The following CNEP1R1 variants were observed in gnomAD, a reference collection of about 807,000 sequenced individuals.
The protein encoded by CNEP1R1 is CTD nuclear envelope phosphatase 1 regulatory subunit 1.
CNEP1R1 carries 10 observed loss-of-function variants against 22.7 expected under a neutral mutation model. That is an observed-to-expected ratio of 0.44 (90% confidence interval 0.27 to 0.75). The LOEUF (loss-of-function observed/expected upper bound fraction) is 0.75, where lower values mean the gene tolerates loss of function less well. CNEP1R1 is among the 30% of genes least tolerant of loss of function. The probability of loss-of-function intolerance (pLI) is 0.17; values close to 1 mark genes in which losing one functional copy is unlikely to be tolerated. For synonymous variants in CNEP1R1, 53 were observed against 50.1 expected (o/e 1.06, Z -0.25); for missense variants, 73 against 151.5 (o/e 0.48, Z 2.72).
At chr16:50,030,366 C>G (rs369547341) in intron 3 of CNEP1R1, among the ~76,000 whole-genome samples, 1 of 152,020 alleles carries the variant, frequency 6.6e-6, no homozygotes, top group Non-Finnish European at 1.5e-5. Flanking sequence ...CTCAGGAGAT[C>G]GAGGCTGCAG....
chr16:50,032,342 A>G (rs2144279728), intron 3 of CNEP1R1, among the ~76,000 whole-genome samples: 1 of 152,190 alleles, frequency 6.6e-6, no homozygotes, highest in African/African-American at 2.4e-5. Flanking sequence ...TTGTCCCTCT[A>G]CATATTCTTA....
At chr16:50,027,208 A>G (rs2036192316) in intron 2 of CNEP1R1, among the ~76,000 whole-genome samples, 1 of 151,952 alleles carries the variant, frequency 6.6e-6, no homozygotes, top group African/African-American at 2.4e-5. Flanking sequence ...GTTTGAGACC[A>G]GCCTGGGTAA....
Position 50,034,101 on chromosome 16 carries a change from G to A in CNEP1R1, c.282-1G>A. On this transcript the variant is annotated splice_acceptor_variant, in intron 4 of 5. Coordinates refer to ENST00000427478, the MANE Select transcript of CNEP1R1 (RefSeq NM_001281789.2). LOFTEE classifies it high-confidence loss of function. ...ATTTTCCTTTGACCACATGTATTCAGTATAGCTGCTCGATGTCGAACGGTA... is the reference window on the plus strand; with the variant it reads ...ATTTTCCTTTGACCACATGTATTCAATATAGCTGCTCGATGTCGAACGGTA... The A allele has an allele frequency of 6.3e-7, 1 of 1,592,320 alleles. No individual in the cohort carries two copies. Among genetic ancestry groups the A allele is most frequent in the Non-Finnish European group, 8.6e-7 (1 of 1,167,950 alleles).
Position 50,025,249 on chromosome 16 carries a change from C to G in CNEP1R1, c.-67C>G. 6 of 1,373,702 alleles carry G rather than the reference C, an allele frequency of 4.4e-6. No homozygotes were observed. Among genetic ancestry groups the G allele is most frequent in the Non-Finnish European group, 4.7e-6 (5 of 1,066,312 alleles). The allele number at this position is 1,373,702 out of a possible 1,614,324, so 85.1% of individuals were successfully genotyped here. A position where few individuals can be genotyped will look rare whatever the true frequency, so the allele number is the denominator to read the frequency against. On this transcript the variant is annotated 5_prime_UTR_variant, in exon 1 of 6. Coordinates refer to ENST00000427478, the MANE Select transcript of CNEP1R1 (RefSeq NM_001281789.2). Reference sequence around the variant, plus strand: ...TAGAGGTGGGAGTTGGCGCTGCGGGCCGGGCGGGGGCCGCGGAAGCTGCGA... The same window carrying G: ...TAGAGGTGGGAGTTGGCGCTGCGGGGCGGGCGGGGGCCGCGGAAGCTGCGA...
intron 3 of CNEP1R1, among the ~76,000 whole-genome samples, chr16:50,030,935 T>A (rs2036226228): frequency 6.6e-6 from 1 of 152,224 alleles, no homozygotes; most frequent in Non-Finnish European, 1.5e-5. Flanking sequence ...ATGTTATTCC[T>A]TGAAGCATCC....
chr16:50,025,975 G>C (rs2036179099), intron 1 of CNEP1R1, among the ~76,000 whole-genome samples: 1 of 152,230 alleles, frequency 6.6e-6, no homozygotes, highest in South Asian at 2.1e-4. Context: ...ATTGCAGTCA[G>C]GTAGACCTCG....
At chr16:50,031,896 A>G (rs1390009955) in intron 3 of CNEP1R1, among the ~76,000 whole-genome samples, 1 of 152,178 alleles carries the variant, frequency 6.6e-6, no homozygotes, top group Non-Finnish European at 1.5e-5. Flanking sequence ...CTGATGGCCT[A>G]ATTAAAATGA....
At chr16:50,030,104 G>A (rs2036218936) in intron 3 of CNEP1R1, among the ~76,000 whole-genome samples, 1 of 151,996 alleles carries the variant, frequency 6.6e-6, no homozygotes, top group African/African-American at 2.4e-5. Flanking sequence ...TTACTTCAGT[G>A]TGAGTATTAT....
intron 5 of CNEP1R1, 161 bp downstream of exon 5, chr16:50,034,317 T>C (rs1444448227): frequency 1.5e-5 from 9 of 583,318 alleles, no homozygotes; most frequent in Non-Finnish European, 2.8e-5. Context: ...ACATTTAACA[T>C]CTTTGGCATT....
rs528092040 is a variant in CNEP1R1 at position 50,035,546 on chromosome 16, T to C, written c.*88T>C. 2 of 997,626 alleles carry C rather than the reference T, an allele frequency of 2.0e-6. No individual in the cohort carries two copies. Among genetic ancestry groups the C allele is most frequent in the Non-Finnish European group, 3.1e-6 (2 of 655,314 alleles). The allele number at this position is 997,626 out of a possible 1,614,324, so 61.8% of individuals were successfully genotyped here. A position where few individuals can be genotyped will look rare whatever the true frequency, so the allele number is the denominator to read the frequency against. On this transcript the variant is annotated 3_prime_UTR_variant, in exon 6 of 6. Transcript: ENST00000427478. ...AAGCCATAAAGGATTCCTTTTGCGG[T>C]TGGATATGTAAAGGTCATAGCAGCA...
In CNEP1R1 at chr16:50,035,646, T is replaced by C. The variant is rs1028256811; in HGVS notation, c.*188T>C. Reference sequence around the variant, plus strand: ...CTCATTATCAGTGCTTTGGTACTTTTGATTACCTGTGTTTCAGTATTAGTG... The same window carrying C: ...CTCATTATCAGTGCTTTGGTACTTTCGATTACCTGTGTTTCAGTATTAGTG... On this transcript the variant is annotated 3_prime_UTR_variant, in exon 6 of 6. Transcript: ENST00000427478. The C allele has an allele frequency of 1.8e-6, 1 of 541,654 alleles. No homozygotes were observed. The highest frequency in any genetic ancestry group is 2.5e-5 in the South Asian group (1 of 39,634). 33.6% of individuals were successfully genotyped at this position (541,654 alleles called of 1,614,324 possible). A position where few individuals can be genotyped will look rare whatever the true frequency, so the allele number is the denominator to read the frequency against.
intron 5 of CNEP1R1, 170 bp downstream of exon 5, chr16:50,034,326 T>TTGAGATCCATCTTACAGTCAA (rs956287523): frequency 1.7e-6 from 1 of 577,068 alleles, no homozygotes; most frequent in African/African-American, 1.9e-5. Context: ...ATCTTTGGCA[T>TTGAGATCCATCTTACAGTCAA]TGAGATCCAT....
At chr16:50,028,401 G>T (rs1335157015) in intron 2 of CNEP1R1, among the ~76,000 whole-genome samples, 1 of 152,150 alleles carries the variant, frequency 6.6e-6, no homozygotes, top group East Asian at 1.9e-4. Flanking sequence ...TTGAAGCTAA[G>T]GATCTAAGGA....
rs756153036 is a variant in CNEP1R1, at chr16:50,025,357, G to A, written c.25+17G>A. ...AGGCGGAAGGTAGGGTGGGCCGCCC[G>A]GGCCCGTCCCCCGTCTCCCCTCGGA... On this transcript the variant is annotated intron_variant, in intron 1 of 5. Transcript: ENST00000427478. 296 of 1,435,146 alleles carry A rather than the reference G, an allele frequency of 2.1e-4. 1 individual carries two copies. Among genetic ancestry groups the A allele is most frequent in the Non-Finnish European group, 2.3e-4 (252 of 1,098,428 alleles). The allele number at this position is 1,435,146 out of a possible 1,614,324, so 88.9% of individuals were successfully genotyped here.
Position 50,029,589 on chromosome 16 carries a change from T to G in CNEP1R1, c.98-136T>G, listed in dbSNP as rs1597117503. 1.2e-5 allele frequency: 6 copies of G among 494,660 alleles called. No homozygotes were observed. The East Asian group carries it at 1.7e-4, about 14-fold the overall frequency. 30.6% of individuals were successfully genotyped at this position (494,660 alleles called of 1,614,324 possible). On this transcript the variant is annotated intron_variant, in intron 2 of 5. Transcript: ENST00000427478. ...GAAGCCAGATGGCAAGCCTTCTAAT[T>G]CCTGAGTCTAGTTAGTGCATTTTCC...
At position 50,025,234 on chromosome 16, in the gene CNEP1R1, A is replaced by T. The variant is rs1012625251; in HGVS notation, c.-82A>T. 2.3e-6 allele frequency: 3 copies of T among 1,307,042 alleles called. No homozygotes were observed. Among genetic ancestry groups the T allele is most frequent in the African/African-American group, 3.1e-5 (2 of 63,800 alleles). The allele number at this position is 1,307,042 out of a possible 1,614,324, so 81.0% of individuals were successfully genotyped here. On this transcript the variant is annotated 5_prime_UTR_variant, in exon 1 of 6. Transcript: ENST00000427478. The stretch of plus-strand genomic sequence containing the variant: ...GCAGCGGGGAGCGGTTAGAGGTGGG[A>T]GTTGGCGCTGCGGGCCGGGCGGGGG...
intron 3 of CNEP1R1, among the ~76,000 whole-genome samples, chr16:50,031,067 A>G (rs942826996): frequency 6.6e-6 from 1 of 152,138 alleles, no homozygotes; most frequent in Non-Finnish European, 1.5e-5. Flanking sequence ...TTTTTAGTGA[A>G]GTTTCTTTCC....
chr16:50,029,707 G>C lies in CNEP1R1; in HGVS notation c.98-18G>C, dbSNP rs148072123. ...AAGTATGTATTTGCTTACTAATTTC[G>C]TGTTTATCTTTCATCAGTGCTTCTT... On this transcript the variant is annotated intron_variant, in intron 2 of 5. Coordinates refer to ENST00000427478, the MANE Select transcript of CNEP1R1 (RefSeq NM_001281789.2). 6.5e-7 allele frequency: 1 copy of C among 1,541,060 alleles called. No individual in the cohort carries two copies. Among genetic ancestry groups the C allele is most frequent in the Non-Finnish European group, 8.9e-7 (1 of 1,118,424 alleles).
intron 2 of CNEP1R1, among the ~76,000 whole-genome samples, chr16:50,028,617 T>A: frequency 6.6e-6 from 1 of 152,332 alleles, no homozygotes; most frequent in East Asian, 1.9e-4. Flanking sequence ...TCTTATAAAA[T>A]GTGATATAAA....
Sources: allele counts gnomAD v4.1 joint callset (sites outside exome capture counted in the v4.1 genomes callset), GRCh38; gene constraint gnomAD v4.1.1; transcripts MANE v1.5; gene names NCBI Gene and HGNC (gene_info 2026-07-23, HGNC 2026-07-21).